Variants in CNTN1 observed in about 807,000 individuals in gnomAD.
The protein encoded by CNTN1 is contactin-1.
In CNTN1, 38 loss-of-function variants were observed where a neutral mutation model predicts 126.4. That is an observed-to-expected ratio of 0.30 (90% CI 0.23 to 0.39). CNTN1 has a LOEUF of 0.39. Among genes scored for constraint, CNTN1 ranks in the 10% least tolerant of loss-of-function variants. The pLI is 1.00. For synonymous variants in CNTN1, 413 were observed against 422.6 expected (o/e 0.98, Z 0.28); for missense variants, 1,009 against 1,248.4 (o/e 0.81, Z 2.89).
intron 1 of CNTN1, among the ~76,000 whole-genome samples, chr12:40,895,742 C>T (rs971157888): frequency 4.7e-5 from 7 of 150,086 alleles, no homozygotes; most frequent in Admixed American, 6.7e-5. Flanking sequence ...AATAGTAATT[C>T]TTGTGCTTCA....
chr12:40,745,939 G>A (rs1034969531), intron 1 of CNTN1, among the ~76,000 whole-genome samples: 2 of 152,106 alleles, frequency 1.3e-5, no homozygotes, highest in African/African-American at 4.8e-5. Flanking sequence ...CCTTGGATAG[G>A]AATTTGGGCA....
chr12:40,981,373 G>C (rs1947815544), intron 16 of CNTN1, among the ~76,000 whole-genome samples: 1 of 151,974 alleles, frequency 6.6e-6, no homozygotes, highest in African/African-American at 2.4e-5. Context: ...AAAATCATCG[G>C]GAAGTCTATT....
intron 3 of CNTN1, among the ~76,000 whole-genome samples, chr12:40,917,064 G>A (rs556655528): frequency 1.3e-5 from 1 of 74,538 alleles, no homozygotes; most frequent in Admixed American, 1.2e-4. Context: ...GTGGGGGCGG[G>A]GGGGGGGGCA....
intron 1 of CNTN1, among the ~76,000 whole-genome samples, chr12:40,882,093 C>A (rs1195061524): frequency 6.6e-6 from 1 of 151,652 alleles, no homozygotes; most frequent in Non-Finnish European, 1.5e-5. Flanking sequence ...AGTACAGGGA[C>A]TGATAGGCAG....
At chr12:41,028,918 A>T in intron 22 of CNTN1, 145 bp from the exon 23 acceptor site, 3 of 792,556 alleles carry the variant, frequency 3.8e-6, no homozygotes, top group Admixed American at 5.0e-5. Flanking sequence ...TTTTTCATCT[A>T]GTTTTAAATT....
chr12:41,027,854 C>G lies in CNTN1; in HGVS notation c.2711-3C>G. The G allele has an allele frequency of 6.3e-7, 1 of 1,594,184 alleles. No homozygotes were observed. The highest frequency in any genetic ancestry group is 2.2e-5 in the East Asian group (1 of 44,768). On this transcript the variant is annotated splice_polypyrimidine_tract_variant and splice_region_variant and intron_variant, in intron 21 of 23. Transcript: ENST00000551295. ...ACTGATTGCATATTACTACTTTTCACAGCTCCTAGCCAGCCTCCAAGGATC... is the reference window on the plus strand; with the variant it reads ...ACTGATTGCATATTACTACTTTTCAGAGCTCCTAGCCAGCCTCCAAGGATC...
At chr12:40,825,808 G>T (rs891256179) in intron 1 of CNTN1, among the ~76,000 whole-genome samples, 1 of 151,816 alleles carries the variant, frequency 6.6e-6, no homozygotes, top group African/African-American at 2.4e-5. Context: ...TCTAATTTTC[G>T]TCTGTTCTAG....
intron 1 of CNTN1, among the ~76,000 whole-genome samples, chr12:40,784,738 T>C (rs1476612328): frequency 2.0e-5 from 3 of 152,116 alleles, no homozygotes; most frequent in Non-Finnish European, 2.9e-5. Flanking sequence ...GGTCGTGTTC[T>C]ATATGGGAAA....
chr12:40,742,480 T>C (rs570613125), intron 1 of CNTN1: 1 of 152,128 alleles, frequency 6.6e-6, no homozygotes, highest in East Asian at 1.9e-4. Flanking sequence ...GTGAGTAAAG[T>C]TTGTCTTTGC....
chr12:40,701,221 A>G (rs1368898468), intron 1 of CNTN1, among the ~76,000 whole-genome samples: 1 of 152,196 alleles, frequency 6.6e-6, no homozygotes, highest in Middle Eastern at 3.2e-3. Context: ...TTATTTATGA[A>G]TATCTTATTG....
intron 17 of CNTN1, among the ~76,000 whole-genome samples, chr12:40,994,367 G>C (rs1007587501): frequency 6.6e-6 from 1 of 151,976 alleles, no homozygotes; most frequent in Non-Finnish European, 1.5e-5. Flanking sequence ...ATTTGAGATA[G>C]GTAAGTAAAA....
intron 1 of CNTN1, among the ~76,000 whole-genome samples, chr12:40,849,674 C>A (rs1183055711): frequency 1.3e-5 from 2 of 152,038 alleles, no homozygotes; most frequent in Non-Finnish European, 2.9e-5. Flanking sequence ...GCTAACAACA[C>A]TTTCTTAATT....
At position 40,929,529 on chromosome 12, in the gene CNTN1, C is replaced by G. The variant is rs146293518; in HGVS notation, c.497-267C>G. 9.5e-3 allele frequency among the ~76,000 whole-genome samples: 1,446 copies of G among 151,874 alleles called. 21 individuals are homozygous for G. The highest frequency in any genetic ancestry group is 0.033 in the African/African-American group (1,369 of 41,422). The stretch of plus-strand genomic sequence containing the variant: ...TGTAACCTCTTCGAGTTTCACTTAG[C>G]CCATCAATGAAATGAAAGCAAGAAT... On this transcript the variant is annotated intron_variant, in intron 6 of 23. Transcript: ENST00000551295.
chr12:40,781,415 C>A (rs1219398900), intron 1 of CNTN1, among the ~76,000 whole-genome samples: 3 of 152,006 alleles, frequency 2.0e-5, no homozygotes, highest in Non-Finnish European at 4.4e-5. Flanking sequence ...GGCCATTGAT[C>A]CTGGTCCCAG....
At chr12:40,780,758 C>T (rs1476880680) in intron 1 of CNTN1, among the ~76,000 whole-genome samples, 1 of 148,566 alleles carries the variant, frequency 6.7e-6, no homozygotes, top group African/African-American at 2.5e-5. Context: ...AAAGAGGAGG[C>T]CTTTAAGGAG....
At chr12:41,003,762 T>C (rs887181047) in intron 17 of CNTN1, among the ~76,000 whole-genome samples, 1 of 152,140 alleles carries the variant, frequency 6.6e-6, no homozygotes, top group Admixed American at 6.5e-5. Context: ...TATCCTCTGG[T>C]GGTTTCTTAT....
chr12:40,864,207 A>AG (rs912133277), intron 1 of CNTN1, among the ~76,000 whole-genome samples: 6 of 151,196 alleles, frequency 4.0e-5, no homozygotes, highest in Admixed American at 1.3e-4. Context: ...TAGTAGAGAC[A>AG]GGGGGTTTCA....
At chr12:40,820,321 C>G (rs1941405295) in intron 1 of CNTN1, among the ~76,000 whole-genome samples, 1 of 152,208 alleles carries the variant, frequency 6.6e-6, no homozygotes, top group Non-Finnish European at 1.5e-5. Flanking sequence ...AAGTTCCACA[C>G]TGCCACATTG....
chr12:40,989,684 T>G (rs1320867396), intron 16 of CNTN1, among the ~76,000 whole-genome samples: 1 of 152,198 alleles, frequency 6.6e-6, no homozygotes, highest in Non-Finnish European at 1.5e-5. Flanking sequence ...ATATATATTT[T>G]AAGCAAAAAT....
Sources: gnomAD v4.1 joint callset for allele counts (sites outside exome capture counted in the v4.1 genomes callset) on GRCh38, gnomAD v4.1.1 for gene constraint, MANE v1.5 for transcripts, NCBI Gene and HGNC (gene_info 2026-07-23, HGNC 2026-07-21) for gene names.